TMIGD3: variants seen among roughly 807,000 people sequenced by gnomAD.
The protein encoded by TMIGD3 is AD026 protein (AD026).
TMIGD3 carries 21 observed loss-of-function variants against 28.1 expected under a neutral mutation model. That is an observed-to-expected ratio of 0.75 (90% confidence interval 0.53 to 1.08). The LOEUF (loss-of-function observed/expected upper bound fraction) is 1.08, where lower values mean the gene tolerates loss of function less well. TMIGD3 is among the 50% of genes least tolerant of loss of function. The pLI is 0.00. For missense variants in TMIGD3, 416 were observed against 435.6 expected, an observed-to-expected ratio of 0.96 and a Z score of 0.40; for synonymous variants, 151 against 162.1, an observed-to-expected ratio of 0.93 and a Z score of 0.52.
Position 111,488,754 on chromosome 1 carries a change from C to T in TMIGD3, c.728G>A (p.Arg243Lys), listed in dbSNP as rs1377630776. ...YWCGIQRDFA[R>K]DDMDFTELIV... is the part of the protein sequence containing the mutation. ...CAGCTCTGTAAAATCCATGTCATCC[C>T]TGGCAAAGTCCCGCTGGATGCCACA... Residue 243 changes from arginine (R) to lysine (K), a missense_variant, in exon 3 of 6, where the codon AGG becomes AAG. Physicochemically the swap from Arg to Lys is conservative, Grantham distance 26 (BLOSUM62 2). Coordinates refer to ENST00000369716, the MANE Select transcript of TMIGD3 (RefSeq NM_020683.7). 1 of 1,614,212 alleles carries T rather than the reference C, an allele frequency of 6.2e-7. No individual in the cohort carries two copies.
At chr1:111,521,423 C>T (rs1362398412) in intron 1 of TMIGD3, among the ~76,000 whole-genome samples, 2 of 152,188 alleles carry the variant, frequency 1.3e-5, no homozygotes, top group Non-Finnish European at 2.9e-5. Flanking sequence ...TCTCCACATA[C>T]ATCCTCACCT....
chr1:111,533,843 C>G (rs1038724656), intron 1 of TMIGD3, among the ~76,000 whole-genome samples: 2 of 152,142 alleles, frequency 1.3e-5, no homozygotes, highest in African/African-American at 4.8e-5. Flanking sequence ...CATGAGCCAC[C>G]ATGTCCGGCC....
chr1:111,522,895 T>C (rs914455537), intron 1 of TMIGD3, among the ~76,000 whole-genome samples: 1 of 152,208 alleles, frequency 6.6e-6, no homozygotes, highest in Admixed American at 6.5e-5. Flanking sequence ...ATTGAACTTA[T>C]GTAGGATTTT....
chr1:111,492,231 T>C (rs1654699693), intron 1 of TMIGD3, among the ~76,000 whole-genome samples: 1 of 152,166 alleles, frequency 6.6e-6, no homozygotes, highest in Non-Finnish European at 1.5e-5. Flanking sequence ...CACCATGCAT[T>C]AACCACCCAA....
intron 1 of TMIGD3, among the ~76,000 whole-genome samples, chr1:111,527,693 C>T (rs1222965031): frequency 6.6e-6 from 1 of 152,136 alleles, no homozygotes; most frequent in African/African-American, 2.4e-5. Flanking sequence ...TGAATTTTGG[C>T]CATTCTAATA....
chr1:111,547,811 A>T (rs926495378), intron 1 of TMIGD3, among the ~76,000 whole-genome samples: 3 of 151,960 alleles, frequency 2.0e-5, no homozygotes, highest in Non-Finnish European at 2.9e-5. Flanking sequence ...GTGGAGAAAG[A>T]CTCTCTGGTG....
chr1:111,483,600 GA>G lies in TMIGD3; in HGVS notation c.*86del. 1.8e-6 allele frequency: 2 copies of G among 1,108,304 alleles called. No homozygotes were observed. 68.7% of individuals were successfully genotyped at this position (1,108,304 alleles called of 1,614,324 possible). Reference sequence around the variant, plus strand: ...GTCCTTCAGAATTCCTGGGAGATCAGAATCAGTCTCTGAGGTGTGGGCCAGT... The same window carrying G: ...GTCCTTCAGAATTCCTGGGAGATCAGATCAGTCTCTGAGGTGTGGGCCAGT... On this transcript the variant is annotated 3_prime_UTR_variant, in exon 6 of 6. Transcript: ENST00000369716.
At chr1:111,502,942 C>G in intron 1 of TMIGD3, 63 bp downstream of exon 1, 3 of 1,584,162 alleles carry the variant, frequency 1.9e-6, no homozygotes, top group Non-Finnish European at 2.6e-6. Flanking sequence ...AGTCTGGGCT[C>G]TGGGCTTTGT....
intron 1 of TMIGD3, among the ~76,000 whole-genome samples, chr1:111,558,923 A>C (rs1261013845): frequency 1.3e-5 from 2 of 152,186 alleles, no homozygotes; most frequent in East Asian, 3.8e-4. Flanking sequence ...ACGTAGTAAC[A>C]AGTGAAAAGT....
chr1:111,503,036 C>A lies in TMIGD3; in HGVS notation c.319G>T (p.Asp107Tyr). The part of the protein sequence containing the change: ...SIMSLLAIAV[D>Y]RYLRVKLTVR... ...GTAAGCTTGACCCGCAAGTATCGGT[C>A]CACAGCGATGGCCAGCAAGGACATG... The change falls in exon 1 of 6, where the codon GAC becomes TAC. Residue 107 changes from aspartate (D) to tyrosine (Y), a missense_variant. Physicochemically the swap from Asp to Tyr is radical, Grantham distance 160. Transcript: ENST00000369716. 6.2e-7 allele frequency: 1 copy of A among 1,614,186 alleles called. No homozygotes were observed. Among genetic ancestry groups the A allele is most frequent in the South Asian group, 1.1e-5 (1 of 91,078 alleles).
intron 1 of TMIGD3, among the ~76,000 whole-genome samples, chr1:111,512,536 G>A (rs753671510): frequency 2.0e-5 from 3 of 152,168 alleles, no homozygotes; most frequent in South Asian, 2.1e-4. Context: ...ACCCCTCTGC[G>A]GACTGGATGA....
upstream of TMIGD3, chr1:111,504,267 G>A (rs1365948813): frequency 4.6e-5 from 15 of 324,830 alleles, no homozygotes; most frequent in Admixed American, 2.6e-4. Flanking sequence ...GCTGGCAGCC[G>A]GCCAATGTCC....
At chr1:111,532,063 CTGGCTGGGAGG>C (rs1656476096) in intron 1 of TMIGD3, among the ~76,000 whole-genome samples, 1 of 151,924 alleles carries the variant, frequency 6.6e-6, no homozygotes, top group Admixed American at 6.6e-5. Flanking sequence ...GGTTTTCACT[CTGGCTGGGAGG>C]AAAGATTATA....
intron 3 of TMIGD3, among the ~76,000 whole-genome samples, chr1:111,487,377 T>A (rs1263308434): frequency 6.6e-6 from 1 of 152,160 alleles, no homozygotes; most frequent in Non-Finnish European, 1.5e-5. Flanking sequence ...CTTTCTAGCA[T>A]GGGGACAGGT....
rs1655042199 is a variant in TMIGD3, at chr1:111,499,347, A to G, written c.350+3658T>C. ...GGTGAGTATGCCAACACATGGCTCCAAGTAGCAAGCAAGCTTAGTGCCAAA... is the reference window on the plus strand; with the variant it reads ...GGTGAGTATGCCAACACATGGCTCCGAGTAGCAAGCAAGCTTAGTGCCAAA... On this transcript the variant is annotated intron_variant, in intron 1 of 5. Transcript: ENST00000369716. The G allele has an allele frequency of 1.7e-5, 15 of 900,394 alleles. No individual in the cohort carries two copies. The South Asian group carries it at 4.6e-4, about 27-fold the overall frequency. 55.8% of individuals were successfully genotyped at this position (900,394 alleles called of 1,614,324 possible). A position where few individuals can be genotyped will look rare whatever the true frequency, so the allele number is the denominator to read the frequency against.
At chr1:111,526,936 T>TAAAG (rs2101009502) in intron 1 of TMIGD3, among the ~76,000 whole-genome samples, 1 of 151,726 alleles carries the variant, frequency 6.6e-6, no homozygotes, top group East Asian at 1.9e-4. Flanking sequence ...ATATTTGGAA[T>TAAAG]CATACAGTAT....
chr1:111,548,781 T>C (rs1657136279), intron 1 of TMIGD3, among the ~76,000 whole-genome samples: 1 of 152,214 alleles, frequency 6.6e-6, no homozygotes, highest in African/African-American at 2.4e-5. Flanking sequence ...CCATAAACTT[T>C]TTGTAAAGCA....
intron 1 of TMIGD3, among the ~76,000 whole-genome samples, chr1:111,555,429 G>A (rs376638518): frequency 0.014 from 1,517 of 106,328 alleles, 24 homozygotes; most frequent in African/African-American, 0.055. Context: ...AATAGTTCCA[G>A]AAAAAAAATT....
Position 111,525,262 on chromosome 1 carries a change from G to A in TMIGD3, c.108-34500C>T, listed in dbSNP as rs188116594. Among the ~76,000 whole-genome samples, 118 of 152,026 alleles carry A rather than the reference G, an allele frequency of 7.8e-4. 1 individual carries two copies. Among genetic ancestry groups the A allele is most frequent in the African/African-American group, 2.7e-3 (114 of 41,466 alleles). ...CTTGTTCTAAAATTACTGAGGGAGAGGATTTAAAATTTTGACTATAATTGT... is the reference window on the plus strand; with the variant it reads ...CTTGTTCTAAAATTACTGAGGGAGAAGATTTAAAATTTTGACTATAATTGT... On this transcript the variant is annotated intron_variant, in intron 1 of 5. Coordinates refer to the TMIGD3 transcript ENST00000369717.
Sources: allele counts gnomAD v4.1 joint callset (sites outside exome capture counted in the v4.1 genomes callset), GRCh38; gene constraint gnomAD v4.1.1; transcripts MANE v1.5; gene names NCBI Gene and HGNC (gene_info 2026-07-23, HGNC 2026-07-21).